Variants in RBFOX3 observed in about 807,000 individuals in gnomAD.
RBFOX3 encodes RNA binding protein fox-1 homolog 3.
A neutral mutation model predicts 48.7 loss-of-function variants in RBFOX3; 17 were observed. That is an observed-to-expected ratio of 0.35 (90% confidence interval 0.24 to 0.52). The LOEUF (loss-of-function observed/expected upper bound fraction) is 0.52, where lower values mean the gene tolerates loss of function less well. RBFOX3 is among the 20% of genes least tolerant of loss of function. The pLI is 0.94. For missense variants in RBFOX3, 382 were observed against 497.5 expected, an observed-to-expected ratio of 0.77 and a Z score of 2.21; for synonymous variants, 212 against 209.5, an observed-to-expected ratio of 1.01 and a Z score of -0.10.
In RBFOX3 at chr17:79,200,369, A is replaced by G. The variant is rs541026042; in HGVS notation, c.-34+35397T>C. On this transcript the variant is annotated intron_variant, in intron 4 of 14. Transcript: ENST00000693108. ...CAGGGAAAGCCAAAGCCTCTTGATC[A>G]GGCAGCAGGCAGGGGGGCCACCAGC... Among the ~76,000 whole-genome samples the G allele has an allele frequency of 6.8e-4, 104 of 152,362 alleles. No individual in the cohort carries two copies. The Middle Eastern group carries it at 0.01, about 15-fold the overall frequency.
At position 79,494,992 on chromosome 17, in the gene RBFOX3, G is replaced by T. The variant is rs564225099; in HGVS notation, c.-319-12394C>A. Among the ~76,000 whole-genome samples, 57 of 152,294 alleles carry T rather than the reference G, an allele frequency of 3.7e-4. No individual in the cohort carries two copies. The South Asian group carries it at 9.3e-3, about 25-fold the overall frequency. Reference sequence around the variant, plus strand: ...ACCCAAGTCTGCCCCATCTTTGGGGGTGGCTGTCTGTCCACGCAGTGGCCA... The same window carrying T: ...ACCCAAGTCTGCCCCATCTTTGGGGTTGGCTGTCTGTCCACGCAGTGGCCA... On this transcript the variant is annotated intron_variant, in intron 1 of 14. Coordinates refer to ENST00000693108, the MANE Select transcript of RBFOX3 (RefSeq NM_001350451.2).
chr17:79,236,341 T>C (rs2061633287), intron 3 of RBFOX3, among the ~76,000 whole-genome samples: 1 of 152,052 alleles, frequency 6.6e-6, no homozygotes. Context: ...CTGTCTGGAA[T>C]GCAATGGTGC....
At chr17:79,105,627 G>A (rs577678861) in intron 6 of RBFOX3, among the ~76,000 whole-genome samples, 56 of 152,330 alleles carry the variant, frequency 3.7e-4, no homozygotes, top group African/African-American at 1.1e-3. Context: ...ATCACGTCAG[G>A]GGGTAGGTGA....
At chr17:79,336,789 CTGATGGCCTT>C (rs1336478709) in intron 2 of RBFOX3, among the ~76,000 whole-genome samples, 1 of 152,222 alleles carries the variant, frequency 6.6e-6, no homozygotes, top group African/African-American at 2.4e-5. Context: ...TTACTGGTGG[CTGATGGCCTT>C]CAGGAGGCAA....
chr17:79,491,037 G>C (rs1218749061), intron 1 of RBFOX3, among the ~76,000 whole-genome samples: 2 of 103,450 alleles, frequency 1.9e-5, no homozygotes, highest in Non-Finnish European at 2.0e-5. Flanking sequence ...GAGAGGAGAG[G>C]GGAGGGGAGG....
At chr17:79,577,053 C>G (rs912574550) in intron 1 of RBFOX3, among the ~76,000 whole-genome samples, 10 of 152,176 alleles carry the variant, frequency 6.6e-5, no homozygotes, top group Admixed American at 5.9e-4. Context: ...AGCCCACACA[C>G]AGACGACTCA....
the RBFOX3 span, among the ~76,000 whole-genome samples, chr17:79,646,720 C>A: frequency 6.6e-6 from 1 of 152,080 alleles, no homozygotes; most frequent in Admixed American, 6.5e-5. Flanking sequence ...TCACAAAGAC[C>A]AAACCTGACC....
chr17:79,564,122 G>A (rs890258003), intron 1 of RBFOX3, among the ~76,000 whole-genome samples: 16 of 152,358 alleles, frequency 1.1e-4, no homozygotes, highest in Admixed American at 4.6e-4. Flanking sequence ...GAAAGAACCA[G>A]CATTTAAATC....
At chr17:79,188,163 T>C (rs957708985) in intron 4 of RBFOX3, among the ~76,000 whole-genome samples, 20 of 152,140 alleles carry the variant, frequency 1.3e-4, no homozygotes, top group African/African-American at 4.8e-4. Flanking sequence ...GAGGGCCCAC[T>C]CACACCACCT....
intron 2 of RBFOX3, among the ~76,000 whole-genome samples, chr17:79,344,171 T>C (rs1052902843): frequency 6.6e-6 from 1 of 152,228 alleles, no homozygotes; most frequent in African/African-American, 2.4e-5. Flanking sequence ...TAGGGTTCTA[T>C]GTCCCGGGTC....
rs956864035 is a variant in RBFOX3 at position 79,252,721 on chromosome 17, G to A, written c.-73-16916C>T. 6.6e-6 allele frequency among the ~76,000 whole-genome samples: 1 copy of A among 152,124 alleles called. No individual in the cohort carries two copies. Among genetic ancestry groups the A allele is most frequent in the Non-Finnish European group, 1.5e-5 (1 of 68,030 alleles). ...CTTGGAAAGTTCTCAGCGTCACATC[G>A]CTCTGGCTGTGTTGACCACTCCCAG... On this transcript the variant is annotated intron_variant, in intron 3 of 14. Transcript: ENST00000693108. This position sits in a 1 kb window ranked among gnomAD's most constrained non-coding sequence, Gnocchi z 4.0.
chr17:79,307,005 G>A (rs1037626902), intron 3 of RBFOX3, among the ~76,000 whole-genome samples: 2 of 152,238 alleles, frequency 1.3e-5, no homozygotes, highest in Non-Finnish European at 2.9e-5. Context: ...TTCTCTCTTG[G>A]CACTCGGAGC....
intron 1 of RBFOX3, among the ~76,000 whole-genome samples, chr17:79,551,114 C>G (rs2091103093): frequency 6.6e-6 from 1 of 152,150 alleles, no homozygotes; most frequent in South Asian, 2.1e-4. Flanking sequence ...CAGAACAGTT[C>G]TAGAGTTTTT....
chr17:79,658,898 C>T, the RBFOX3 span, among the ~76,000 whole-genome samples: 2 of 152,230 alleles, frequency 1.3e-5, no homozygotes, highest in Admixed American at 6.5e-5. Context: ...TTGCAATGAG[C>T]GCTTCCTGCA....
intron 1 of RBFOX3, among the ~76,000 whole-genome samples, chr17:79,607,708 G>A (rs889667199): frequency 6.6e-6 from 1 of 152,214 alleles, no homozygotes; most frequent in African/African-American, 2.4e-5. Context: ...TCGGTATGAA[G>A]GCGCCTTAGG....
chr17:79,327,567 TG>T (rs1200088633), intron 2 of RBFOX3, among the ~76,000 whole-genome samples: 1 of 152,254 alleles, frequency 6.6e-6, no homozygotes, highest in Non-Finnish European at 1.5e-5. Context: ...GTCTTTCTTT[TG>T]TTGCTTTTAT....
intron 1 of RBFOX3, among the ~76,000 whole-genome samples, chr17:79,575,328 C>A (rs1023178313): frequency 1.3e-5 from 2 of 152,008 alleles, no homozygotes; most frequent in African/African-American, 2.4e-5. Flanking sequence ...GATAGGGGGG[C>A]AGAGTGAGGG....
chr17:79,417,003 C>T (rs1773093342), intron 2 of RBFOX3, among the ~76,000 whole-genome samples: 1 of 152,218 alleles, frequency 6.6e-6, no homozygotes, highest in Admixed American at 6.5e-5. Flanking sequence ...TGGTTTGCAG[C>T]AGGGTTCGCA....
chr17:79,468,953 T>C (rs1224397851), intron 2 of RBFOX3, among the ~76,000 whole-genome samples: 2 of 141,500 alleles, frequency 1.4e-5, no homozygotes, highest in Admixed American at 7.0e-5. Context: ...GATGGATGGA[T>C]GGATGGATGG....
Sources: gnomAD v4.1 joint callset for allele counts (sites outside exome capture counted in the v4.1 genomes callset) on GRCh38, gnomAD v4.1.1 for gene constraint, Gnocchi (gnomAD v3.1) non-coding constraint, MANE v1.5 for transcripts, NCBI Gene and HGNC (gene_info 2026-07-23, HGNC 2026-07-21) for gene names.